FGF18: variants seen among roughly 807,000 people sequenced by gnomAD.
The protein encoded by FGF18 is fibroblast growth factor 18.
FGF18 carries 5 observed loss-of-function variants against 23.0 expected under a neutral mutation model. That is an observed-to-expected ratio of 0.22 (90% CI 0.11 to 0.46). FGF18 has a LOEUF of 0.46. Among genes scored for constraint, FGF18 ranks in the 20% least tolerant of loss-of-function variants. The probability of loss-of-function intolerance (pLI) is 0.99; values close to 1 mark genes in which losing one functional copy is unlikely to be tolerated. For synonymous variants in FGF18, 117 were observed against 118.9 expected, an observed-to-expected ratio of 0.98 and a Z score of 0.10; for missense variants, 180 against 291.6, an observed-to-expected ratio of 0.62 and a Z score of 2.79.
chr5:171,449,288 G>T, intron 4 of FGF18, 35 bp downstream of exon 4: 1 of 1,500,284 alleles, frequency 6.7e-7, no homozygotes, highest in Non-Finnish European at 9.3e-7. Context: ...GGAACTTCGG[G>T]TTCCCCTCTG....
At chr5:171,445,808 G>A (rs1772410099) in intron 3 of FGF18, among the ~76,000 whole-genome samples, 1 of 152,174 alleles carries the variant, frequency 6.6e-6, no homozygotes, top group Non-Finnish European at 1.5e-5. Context: ...AGTCTGATGA[G>A]CAGGGTGAGA....
intron 3 of FGF18, among the ~76,000 whole-genome samples, chr5:171,443,454 T>A (rs1432596471): frequency 6.7e-6 from 1 of 148,590 alleles, no homozygotes; most frequent in Non-Finnish European, 1.5e-5. Flanking sequence ...ATCTTAACAT[T>A]GCTTGACACA....
chr5:171,425,561 C>T (rs1233255533), intron 2 of FGF18, among the ~76,000 whole-genome samples: 1 of 130,950 alleles, frequency 7.6e-6, no homozygotes, highest in Non-Finnish European at 1.6e-5. Context: ...GATGGAGTCT[C>T]GCCCTGTTGC....
intron 2 of FGF18, among the ~76,000 whole-genome samples, chr5:171,435,185 C>T (rs1431045076): frequency 6.6e-6 from 1 of 152,104 alleles, no homozygotes; most frequent in African/African-American, 2.4e-5. Flanking sequence ...GTCAGGGGCT[C>T]ACCTTGTAGG....
chr5:171,449,058 T>A, intron 3 of FGF18, 89 bp from the exon 4 acceptor site: 1 of 958,012 alleles, frequency 1.0e-6, no homozygotes, highest in South Asian at 1.4e-5. Context: ...GGACCAAAGA[T>A]AGGACCAGGG....
At chr5:171,452,466 CT>C (rs1772530815) in intron 4 of FGF18, among the ~76,000 whole-genome samples, 1 of 152,212 alleles carries the variant, frequency 6.6e-6, no homozygotes, top group South Asian at 2.1e-4. Context: ...GTTACTCTTT[CT>C]GCTGCATTGT....
rs1449775105 is a variant in FGF18, at chr5:171,453,481, T to C, written c.358-3058T>C. Reference sequence around the variant, plus strand: ...TGTGGGCCTGGGGGAGGCGAGATGTTTTGATGGGCAGCACCTGCTCCTCAC... The same window carrying C: ...TGTGGGCCTGGGGGAGGCGAGATGTCTTGATGGGCAGCACCTGCTCCTCAC... On this transcript the variant is annotated intron_variant, in intron 4 of 4. Transcript: ENST00000274625. Among the ~76,000 whole-genome samples the C allele has an allele frequency of 2.0e-5, 3 of 152,058 alleles. No individual in the cohort carries two copies. The East Asian group carries it at 5.8e-4, about 29-fold the overall frequency.
chr5:171,455,691 T>C (rs1309470770), intron 4 of FGF18, among the ~76,000 whole-genome samples: 2 of 152,196 alleles, frequency 1.3e-5, no homozygotes, highest in Non-Finnish European at 2.9e-5. Flanking sequence ...CCTTACAAAC[T>C]CCTCTGGTTT....
intron 3 of FGF18, among the ~76,000 whole-genome samples, chr5:171,441,632 A>G (rs1772346840): frequency 1.3e-5 from 2 of 152,078 alleles, no homozygotes; most frequent in South Asian, 4.1e-4. Context: ...CTGCTGTTAT[A>G]TATTTAGTTA....
At chr5:171,445,874 C>T (rs1254221507) in intron 3 of FGF18, among the ~76,000 whole-genome samples, 1 of 152,098 alleles carries the variant, frequency 6.6e-6, no homozygotes, top group African/African-American at 2.4e-5. Context: ...TGGAGCTGTG[C>T]CTGAGCCCGG....
In FGF18 at chr5:171,420,221, T is replaced by C. The variant is rs775936004; in HGVS notation, c.22T>C (p.Cys8Arg). ...AGCGATGTATTCAGCGCCCTCCGCCTGCACTTGCCTGTAAGCGCCCGCGCG... is the reference window on the plus strand; with the variant it reads ...AGCGATGTATTCAGCGCCCTCCGCCCGCACTTGCCTGTAAGCGCCCGCGCG... MYSAPSACTCLCLHFLLL... is the reference protein window; with the variant it reads MYSAPSARTCLCLHFLLL... The change falls in exon 1 of 5, where the codon TGC (cysteine) becomes CGC (arginine). Residue 8 changes from cysteine to arginine, a missense_variant. Coordinates refer to ENST00000274625, the MANE Select transcript of FGF18 (RefSeq NM_003862.3). 1.9e-6 allele frequency: 3 copies of C among 1,564,364 alleles called. No individual in the cohort carries two copies. The highest frequency in any genetic ancestry group is 1.9e-5 in the Admixed American group (1 of 53,420).
At position 171,431,785 on chromosome 5, in the gene FGF18, G is replaced by A. The variant is rs998847240; in HGVS notation, c.70-4308G>A. ...TTTCGAGAGTTGCAGCAGACTGGGC[G>A]CGGTGGCTCACACCTGTAATCCCAG... On this transcript the variant is annotated intron_variant, in intron 2 of 4. Coordinates refer to ENST00000274625, the MANE Select transcript of FGF18 (RefSeq NM_003862.3). Among the ~76,000 whole-genome samples the A allele has an allele frequency of 4.6e-5, 7 of 152,254 alleles. No homozygotes were observed. The East Asian group carries it at 5.8e-4, about 13-fold the overall frequency.
chr5:171,422,310 G>A (rs942150667), intron 2 of FGF18, among the ~76,000 whole-genome samples: 8 of 152,138 alleles, frequency 5.3e-5, no homozygotes, highest in South Asian at 2.1e-4. Flanking sequence ...CCTTCAAGCA[G>A]GTGAGGGATC....
chr5:171,426,257 C>A (rs1207248789), intron 2 of FGF18, among the ~76,000 whole-genome samples: 1 of 152,176 alleles, frequency 6.6e-6, no homozygotes, highest in Non-Finnish European at 1.5e-5. Flanking sequence ...TGCCCGCCCC[C>A]ATCAGATATA....
chr5:171,434,502 C>T lies in FGF18; in HGVS notation c.70-1591C>T, dbSNP rs987788221. Among the ~76,000 whole-genome samples the T allele has an allele frequency of 3.9e-5, 6 of 152,150 alleles. No individual in the cohort carries two copies. Among genetic ancestry groups the T allele is most frequent in the Non-Finnish European group, 8.8e-5 (6 of 68,012 alleles). On this transcript the variant is annotated intron_variant, in intron 2 of 4. Coordinates refer to ENST00000274625, the MANE Select transcript of FGF18 (RefSeq NM_003862.3). The surrounding 1 kb of genome is among the most constrained non-coding windows in gnomAD (Gnocchi z 4.6). ...AGCTCTGCCATGGGCTGAGTGGGGG[C>T]GTGCCAGCGTGGGAATGGGGGTCCC... is the stretch of plus-strand genomic sequence containing the variant.
intron 4 of FGF18, among the ~76,000 whole-genome samples, chr5:171,455,513 A>G (rs1304726496): frequency 6.6e-6 from 1 of 152,156 alleles, no homozygotes; most frequent in African/African-American, 2.4e-5. Flanking sequence ...GGCCCACATA[A>G]CCGTGAGGTA....
At position 171,440,225 on chromosome 5, in the gene FGF18, T is replaced by TC. The variant is rs1392395184; in HGVS notation, c.250+3952_250+3953insC. On this transcript the variant is annotated intron_variant, in intron 3 of 4. Transcript: ENST00000274625. This position sits in a 1 kb window ranked among gnomAD's most constrained non-coding sequence, Gnocchi z 4.0. ...ACCTGACCTCCTTACTATGGGTGTGTGGGGGGGGGTGGTGCCATCGCGGGC... is the reference window on the plus strand; with the variant it reads ...ACCTGACCTCCTTACTATGGGTGTGTCGGGGGGGGGTGGTGCCATCGCGGGC... Among the ~76,000 whole-genome samples, 1 of 150,788 alleles carries TC rather than the reference T, an allele frequency of 6.6e-6. No homozygotes were observed. Among genetic ancestry groups the TC allele is most frequent in the Non-Finnish European group, 1.5e-5 (1 of 67,664 alleles).
At chr5:171,455,655 T>A (rs1301940740) in intron 4 of FGF18, among the ~76,000 whole-genome samples, 1 of 152,210 alleles carries the variant, frequency 6.6e-6, no homozygotes, top group Non-Finnish European at 1.5e-5. Context: ...CCCCTCATGG[T>A]GATAAAGTGG....
rs1012546609 is a variant in FGF18 at position 171,420,095 on chromosome 5, A to G, written c.-105A>G. 122 of 895,754 alleles carry G rather than the reference A, an allele frequency of 1.4e-4. No homozygotes were observed. Among genetic ancestry groups the G allele is most frequent in the East Asian group, 1.8e-4 (5 of 27,850 alleles). The allele number at this position is 895,754 out of a possible 1,614,324, so 55.5% of individuals were successfully genotyped here. A position where few individuals can be genotyped will look rare whatever the true frequency, so the allele number is the denominator to read the frequency against. On this transcript the variant is annotated 5_prime_UTR_variant, in exon 1 of 5. Coordinates refer to ENST00000274625, the MANE Select transcript of FGF18 (RefSeq NM_003862.3). ...CAGCCGGCGAGGAGGGAGCAGCAGCAGCGGCGGCGGCGGCGGCGGCGGCGG... is the reference window on the plus strand; with the variant it reads ...CAGCCGGCGAGGAGGGAGCAGCAGCGGCGGCGGCGGCGGCGGCGGCGGCGG...
Sources: allele counts gnomAD v4.1 joint callset (sites outside exome capture counted in the v4.1 genomes callset), GRCh38; gene constraint gnomAD v4.1.1; non-coding constraint Gnocchi (gnomAD v3.1); transcripts MANE v1.5; gene names NCBI Gene and HGNC (gene_info 2026-07-23, HGNC 2026-07-21).